Variants in FER observed in about 807,000 individuals in gnomAD.
FER encodes the protein tyrosine-protein kinase Fer.
FER carries 63 observed loss-of-function variants against 111.0 expected under a neutral mutation model. The observed-to-expected ratio is 0.57, with a 90% CI of 0.46 to 0.70. FER has a LOEUF of 0.70. Among genes scored for constraint, FER ranks in the 30% least tolerant of loss-of-function variants. FER has a pLI of 0.00. For missense variants in FER, 914 were observed against 954.0 expected (o/e 0.96, Z 0.55); for synonymous variants, 327 against 313.9 (o/e 1.04, Z -0.44).
chr5:109,087,917 A>G (rs1777744528), intron 16 of FER, among the ~76,000 whole-genome samples: 1 of 151,902 alleles, frequency 6.6e-6, no homozygotes, highest in African/African-American at 2.4e-5. Flanking sequence ...GAATGTTTCA[A>G]AATCTAATTT....
chr5:109,121,640 T>G (rs1750990838), intron 17 of FER, among the ~76,000 whole-genome samples: 1 of 152,132 alleles, frequency 6.6e-6, no homozygotes, highest in African/African-American at 2.4e-5. Context: ...TCTTCCTGTA[T>G]TTTTGGGGGG....
chr5:108,865,740 A>T (rs1382430044), intron 5 of FER, among the ~76,000 whole-genome samples: 1 of 152,192 alleles, frequency 6.6e-6, no homozygotes. Flanking sequence ...AGTTTACAAG[A>T]AAAAAACAAA....
At chr5:108,971,724 G>C (rs1198710747) in intron 13 of FER, among the ~76,000 whole-genome samples, 3 of 151,848 alleles carry the variant, frequency 2.0e-5, no homozygotes, top group Admixed American at 2.0e-4. Context: ...AATTTTTCCT[G>C]AATAGAATAG....
chr5:109,051,472 G>A (rs1772808692), intron 16 of FER: 1 of 1,612,962 alleles, frequency 6.2e-7, no homozygotes, highest in African/African-American at 1.3e-5. Context: ...CTGTGCGTGG[G>A]AGTTAGAGAT....
chr5:109,037,582 A>C (rs901360900), intron 14 of FER, 104 bp downstream of exon 14: 2 of 790,382 alleles, frequency 2.5e-6, no homozygotes, highest in African/African-American at 3.5e-5. Context: ...GCCACAAGGC[A>C]CATTACACAT....
intron 16 of FER, chr5:109,051,922 C>G (rs1448733318): frequency 1.3e-6 from 2 of 1,577,474 alleles, no homozygotes; most frequent in Non-Finnish European, 1.7e-6. Context: ...AGCACTCAAG[C>G]TGAATCCATA....
rs113176428 is a variant in FER, at chr5:109,047,345, G to C, written c.1924+147G>C. 62 of 517,304 alleles carry C rather than the reference G, an allele frequency of 1.2e-4. 2 individuals carry two copies. The highest frequency in any genetic ancestry group is 9.0e-4 in the African/African-American group (45 of 49,886). 32.0% of individuals were successfully genotyped at this position (517,304 alleles called of 1,614,324 possible). On this transcript the variant is annotated intron_variant, in intron 16 of 19. Coordinates refer to ENST00000281092, the MANE Select transcript of FER (RefSeq NM_005246.4). ...GATAACAAAAGAGTCTGTACCTATA[G>C]TCAGTATTTTTATAGGCTGTAACAC...
At chr5:108,961,235 C>T (rs145942855) in intron 13 of FER, among the ~76,000 whole-genome samples, 160 of 152,302 alleles carry the variant, frequency 1.1e-3, no homozygotes, top group African/African-American at 3.8e-3. Context: ...TTCAGAGATA[C>T]TGATGTCCCA....
chr5:108,867,041 A>G (rs916872320), intron 5 of FER, among the ~76,000 whole-genome samples: 14 of 152,096 alleles, frequency 9.2e-5, no homozygotes, highest in Non-Finnish European at 1.9e-4. Context: ...AAGGAGACCT[A>G]TTTCTTCAAC....
At chr5:108,791,479 T>G (rs1755365124) in intron 2 of FER, among the ~76,000 whole-genome samples, 2 of 151,794 alleles carry the variant, frequency 1.3e-5, no homozygotes, top group African/African-American at 4.8e-5. Context: ...TTGTTCGTTT[T>G]TCTTATTATT....
intron 13 of FER, among the ~76,000 whole-genome samples, chr5:109,014,011 A>C (rs1449851599): frequency 6.6e-6 from 1 of 150,482 alleles, no homozygotes; most frequent in East Asian, 1.9e-4. Flanking sequence ...GGTTGCAAAA[A>C]TTTTCTCCCA....
chr5:108,879,724 A>ATATATATATATATC (rs1765492351), intron 8 of FER, among the ~76,000 whole-genome samples: 1 of 141,720 alleles, frequency 7.1e-6, no homozygotes, highest in African/African-American at 2.6e-5. Flanking sequence ...ATATATATAT[A>ATATATATATATATC]TTTGAGGCAA....
chr5:109,055,609 A>G (rs899933650), intron 16 of FER, among the ~76,000 whole-genome samples: 1 of 151,540 alleles, frequency 6.6e-6, no homozygotes, highest in Non-Finnish European at 1.5e-5. Flanking sequence ...ACGTAGTGAG[A>G]TCCTGTCTCT....
At chr5:108,842,881 C>T (rs1021878158) in intron 5 of FER, 3 of 152,190 alleles carry the variant, frequency 2.0e-5, no homozygotes, top group Non-Finnish European at 2.9e-5. Context: ...ACCATTTGAT[C>T]CAGCAATCCC....
intron 5 of FER, among the ~76,000 whole-genome samples, chr5:108,845,018 A>ATT: frequency 1.9e-5 from 1 of 53,342 alleles, no homozygotes; most frequent in African/African-American, 6.2e-5. Context: ...ATATATATAT[A>ATT]TATATATATA....
chr5:108,891,571 T>A (rs1279038573), intron 9 of FER: 1 of 152,082 alleles, frequency 6.6e-6, no homozygotes, highest in Non-Finnish European at 1.5e-5. Context: ...TTATTTCTTT[T>A]AAGGTTTGTG....
At chr5:109,020,882 T>A (rs967480248) in intron 13 of FER, among the ~76,000 whole-genome samples, 2 of 152,080 alleles carry the variant, frequency 1.3e-5, no homozygotes, top group Admixed American at 6.6e-5. Flanking sequence ...TTTGAAATTT[T>A]CTAAATGGTC....
At chr5:109,041,874 C>T (rs1190440783) in intron 14 of FER, among the ~76,000 whole-genome samples, 2 of 152,024 alleles carry the variant, frequency 1.3e-5, no homozygotes, top group African/African-American at 4.8e-5. Flanking sequence ...GGTAATAGAA[C>T]ACTGTGTTCT....
chr5:108,816,350 C>T lies in FER; in HGVS notation c.208-16420C>T, dbSNP rs76806965. Among the ~76,000 whole-genome samples, 142 of 152,340 alleles carry T rather than the reference C, an allele frequency of 9.3e-4. 1 individual carries two copies. In the East Asian group the frequency reaches 0.022, roughly 23 times the overall value. On this transcript the variant is annotated intron_variant, in intron 3 of 19. Coordinates refer to ENST00000281092, the MANE Select transcript of FER (RefSeq NM_005246.4). ...TTTTGTTGTGAGCCACACTCATCCA[C>T]ATGTGGCATTTCAACTTTCTGTCAA...
Sources: allele counts gnomAD v4.1 joint callset (sites outside exome capture counted in the v4.1 genomes callset), GRCh38; gene constraint gnomAD v4.1.1; transcripts MANE v1.5; gene names NCBI Gene and HGNC (gene_info 2026-07-23, HGNC 2026-07-21).